The following MSR1 variants were observed in gnomAD, a reference collection of about 807,000 sequenced individuals.
The protein encoded by MSR1 is macrophage scavenger receptor types I and II.
Under a neutral mutation model 47.2 loss-of-function variants are expected in MSR1, and 53 were observed. The observed-to-expected ratio is 1.12, with a 90% CI of 0.90 to 1.41. MSR1 has a LOEUF of 1.41. MSR1 is among the 40% of genes most tolerant of loss of function. The pLI, the probability that MSR1 is intolerant of heterozygous loss-of-function variation, is 0.00. For missense variants in MSR1, 786 were observed against 546.9 expected (o/e 1.44, Z -4.36); for synonymous variants, 239 against 185.6 (o/e 1.29, Z -2.34).
Position 16,143,564 on chromosome 8 carries a change from T to A in MSR1, c.1027A>T (p.Thr343Ser). 1 of 1,611,756 alleles carries A rather than the reference T, an allele frequency of 6.2e-7. No individual in the cohort carries two copies. Among genetic ancestry groups the A allele is most frequent in the Middle Eastern group, 1.7e-4 (1 of 6,044 alleles). ...GQKGEKGSGN[T>S]LTPFTKVRLV... is the part of the protein sequence containing the mutation. Reference sequence around the variant, plus strand: ...CAAAATACTATATACTTACTTAATGTGTTTCCACTCCCCTTTTCCCCTTTC... The same window carrying A: ...CAAAATACTATATACTTACTTAATGAGTTTCCACTCCCCTTTTCCCCTTTC... The change falls in exon 8 of 10, where the codon ACA becomes TCA. Residue 343 changes from threonine (T) to serine (S), a missense_variant. Physicochemically the swap from Thr to Ser is moderately conservative, Grantham distance 58. Transcript: ENST00000262101.
intron 1 of MSR1, among the ~76,000 whole-genome samples, chr8:16,188,942 G>C (rs1029368059): frequency 2.1e-4 from 28 of 136,462 alleles, no homozygotes; most frequent in Non-Finnish European, 2.6e-4. Flanking sequence ...CCAAGTGTTT[G>C]CTACCTAATA....
intron 1 of MSR1, among the ~76,000 whole-genome samples, chr8:16,181,978 T>A (rs1335498787): frequency 6.6e-6 from 1 of 152,146 alleles, no homozygotes; most frequent in Non-Finnish European, 1.5e-5. Flanking sequence ...GAGAAATGCA[T>A]TGCTAGTCAA....
chr8:16,123,970 C>T (rs1386665589), intron 8 of MSR1, among the ~76,000 whole-genome samples: 1 of 152,134 alleles, frequency 6.6e-6, no homozygotes, highest in Non-Finnish European at 1.5e-5. Context: ...CTTGATAGAA[C>T]ATGTCTGTTA....
At chr8:16,159,898 A>C (rs1379879274) in intron 5 of MSR1, among the ~76,000 whole-genome samples, 1 of 152,072 alleles carries the variant, frequency 6.6e-6, no homozygotes, top group African/African-American at 2.4e-5. Context: ...GATATCTTCG[A>C]ATACAAATCA....
intron 7 of MSR1, among the ~76,000 whole-genome samples, chr8:16,149,958 G>A (rs1193439237): frequency 6.6e-6 from 1 of 151,564 alleles, no homozygotes; most frequent in African/African-American, 2.4e-5. Flanking sequence ...TTGGGATATA[G>A]AGACTTTCCT....
At chr8:16,161,124 A>C (rs942417760) in intron 5 of MSR1, among the ~76,000 whole-genome samples, 7 of 149,198 alleles carry the variant, frequency 4.7e-5, no homozygotes, top group African/African-American at 1.7e-4. Context: ...CCAGACTGGG[A>C]TATGGTTGCT....
intron 8 of MSR1, among the ~76,000 whole-genome samples, chr8:16,132,196 TC>T (rs1251594461): frequency 6.6e-6 from 1 of 152,108 alleles, no homozygotes; most frequent in Non-Finnish European, 1.5e-5. Flanking sequence ...CTTGTAGAAG[TC>T]CTTCACTCCC....
intron 1 of MSR1, 85 bp from the exon 2 acceptor site, chr8:16,178,077 T>G: frequency 9.4e-7 from 1 of 1,058,820 alleles, no homozygotes; most frequent in Admixed American, 2.0e-5. Context: ...GAAATTTCAG[T>G]TTGAAATGGA....
At chr8:16,159,944 G>A (rs550380430) in intron 5 of MSR1, among the ~76,000 whole-genome samples, 1 of 152,050 alleles carries the variant, frequency 6.6e-6, no homozygotes, top group Admixed American at 6.6e-5. Flanking sequence ...AAAGACATGA[G>A]GCAGGATGCA....
intron 6 of MSR1, among the ~76,000 whole-genome samples, chr8:16,151,678 C>T (rs554456988): frequency 7.9e-5 from 12 of 152,216 alleles, no homozygotes; most frequent in South Asian, 2.1e-4. Context: ...TTCAAAGAGA[C>T]GTTAGACATC....
intron 8 of MSR1, among the ~76,000 whole-genome samples, chr8:16,124,748 G>A (rs937197058): frequency 6.6e-6 from 1 of 152,072 alleles, no homozygotes; most frequent in Non-Finnish European, 1.5e-5. Context: ...ACCCGTTATA[G>A]TCATCTTTTC....
At chr8:16,178,061 T>C in intron 1 of MSR1, 69 bp from the exon 2 acceptor site, 1 of 1,219,310 alleles carries the variant, frequency 8.2e-7, no homozygotes, top group Non-Finnish European at 1.2e-6. Context: ...CATAATGTTT[T>C]AAACTGAAAT....
intron 1 of MSR1, among the ~76,000 whole-genome samples, chr8:16,188,967 C>CAT (rs200739372): frequency 0.021 from 2,509 of 122,132 alleles, 35 homozygotes; most frequent in African/African-American, 0.029. Flanking sequence ...AACACACATA[C>CAT]ATATATATAT....
chr8:16,191,499 C>A (rs1316603974), intron 1 of MSR1, among the ~76,000 whole-genome samples: 1 of 152,036 alleles, frequency 6.6e-6, no homozygotes, highest in Non-Finnish European at 1.5e-5. Flanking sequence ...ATATATGAAT[C>A]CCTGTTATTT....
intron 8 of MSR1, among the ~76,000 whole-genome samples, chr8:16,129,969 A>C (rs1800218119): frequency 6.6e-6 from 1 of 152,158 alleles, no homozygotes; most frequent in Non-Finnish European, 1.5e-5. Context: ...TACTCAGGCT[A>C]TGGAGGAAAG....
chr8:16,184,762 G>A (rs1801945568), intron 1 of MSR1, among the ~76,000 whole-genome samples: 1 of 152,112 alleles, frequency 6.6e-6, no homozygotes, highest in Admixed American at 6.6e-5. Flanking sequence ...AACTAGAGAT[G>A]AAGCTTGATT....
chr8:16,176,158 A>G (rs1801639842), intron 2 of MSR1, among the ~76,000 whole-genome samples: 1 of 152,246 alleles, frequency 6.6e-6, no homozygotes, highest in Non-Finnish European at 1.5e-5. Context: ...TTAAAAACAA[A>G]CTTTTTTATT....
chr8:16,190,167 G>C (rs1802158232), intron 1 of MSR1, among the ~76,000 whole-genome samples: 1 of 151,758 alleles, frequency 6.6e-6, no homozygotes, highest in Non-Finnish European at 1.5e-5. Context: ...CAAAGTGCTG[G>C]GATTACAGAT....
intron 5 of MSR1, among the ~76,000 whole-genome samples, chr8:16,156,796 T>A (rs536925330): frequency 6.6e-6 from 1 of 151,924 alleles, no homozygotes; most frequent in Admixed American, 6.6e-5. Flanking sequence ...TATAGCTTAA[T>A]TGCTGCGAGA....
Sources: gnomAD v4.1 joint callset for allele counts (sites outside exome capture counted in the v4.1 genomes callset) on GRCh38, gnomAD v4.1.1 for gene constraint, MANE v1.5 for transcripts, NCBI Gene and HGNC (gene_info 2026-07-23, HGNC 2026-07-21) for gene names.